The following USH2A variants were observed in gnomAD, a reference collection of about 807,000 sequenced individuals.
The protein encoded by USH2A is usherin.
In USH2A, 443 loss-of-function variants were observed where a neutral mutation model predicts 538.9. The ratio of observed to expected loss-of-function variants is 0.82; its 90% confidence interval spans 0.76 to 0.89. USH2A has a LOEUF of 0.89. Among genes scored for constraint, USH2A ranks in the 40% least tolerant of loss-of-function variants. The pLI is 0.00. For missense variants in USH2A, 6,633 were observed against 6,324.8 expected (o/e 1.05, Z -1.65); for synonymous variants, 2,413 against 2,273.5 (o/e 1.06, Z -1.75).
rs1480494864 is a variant in USH2A, at chr1:216,096,982, A to G, written c.4758+101T>C. ...GGATAATAATAGTACTTACCTTACA[A>G]GGTTTGAATGAAGATTCAGTGTGAA... On this transcript the variant is annotated intron_variant, in intron 22 of 71. Coordinates refer to ENST00000307340, the MANE Select transcript of USH2A (RefSeq NM_206933.4). 3.3e-6 allele frequency: 4 copies of G among 1,227,044 alleles called. No individual in the cohort carries two copies. The African/African-American group carries it at 6.1e-5, about 19-fold the overall frequency. The allele number at this position is 1,227,044 out of a possible 1,614,324, so 76.0% of individuals were successfully genotyped here. A position where few individuals can be genotyped will look rare whatever the true frequency, so the allele number is the denominator to read the frequency against.
intron 1 of USH2A, 137 bp from the exon 2 acceptor site, chr1:216,422,677 T>G: frequency 3.5e-6 from 1 of 284,372 alleles, no homozygotes; most frequent in Non-Finnish European, 6.8e-6. Flanking sequence ...AGCACAGTGC[T>G]CAGAGTAAAA....
At chr1:216,091,660 T>C (rs553815829) in intron 22 of USH2A, among the ~76,000 whole-genome samples, 1 of 152,316 alleles carries the variant, frequency 6.6e-6, no homozygotes, top group Non-Finnish European at 1.5e-5. Context: ...CTCTACGTTG[T>C]ATTAAATTGT....
chr1:216,352,938 A>G (rs2038313688), intron 4 of USH2A, among the ~76,000 whole-genome samples: 2 of 152,128 alleles, frequency 1.3e-5, no homozygotes, highest in Admixed American at 1.3e-4. Flanking sequence ...TGAATGAATG[A>G]GGGAAATATG....
intron 21 of USH2A, among the ~76,000 whole-genome samples, chr1:216,105,697 T>G (rs1571965251): frequency 6.6e-6 from 1 of 152,074 alleles, no homozygotes; most frequent in Non-Finnish European, 1.5e-5. Context: ...TAAATTGACT[T>G]CAGGAAAATG....
intron 47 of USH2A, among the ~76,000 whole-genome samples, chr1:215,836,506 T>TTATA (rs71159885): frequency 0.052 from 955 of 18,238 alleles, 115 homozygotes; most frequent in Non-Finnish European, 0.072. Flanking sequence ...ATAATATATA[T>TTATA]TATATATATA....
chr1:216,187,076 A>G (rs1292774549), intron 20 of USH2A, among the ~76,000 whole-genome samples: 2 of 152,006 alleles, frequency 1.3e-5, no homozygotes, highest in African/African-American at 2.4e-5. Flanking sequence ...AAACTAGCAC[A>G]TTGTATGTGC....
At chr1:216,370,938 C>T (rs1378888994) in intron 3 of USH2A, among the ~76,000 whole-genome samples, 1 of 152,086 alleles carries the variant, frequency 6.6e-6, no homozygotes, top group Non-Finnish European at 1.5e-5. Context: ...TTACTACATG[C>T]CCCTCATTGT....
chr1:215,908,704 G>A (rs1665700509), intron 38 of USH2A, among the ~76,000 whole-genome samples: 1 of 151,562 alleles, frequency 6.6e-6, no homozygotes, highest in Admixed American at 6.6e-5. Flanking sequence ...AGTATTTTTG[G>A]TAGCATAACT....
At chr1:215,987,917 C>T (rs1319519002) in intron 35 of USH2A, among the ~76,000 whole-genome samples, 4 of 145,968 alleles carry the variant, frequency 2.7e-5, no homozygotes, top group African/African-American at 1.0e-4. Flanking sequence ...ATGCATAGAT[C>T]TCTATGTGAT....
At chr1:216,383,698 G>A (rs1538691) in intron 3 of USH2A, among the ~76,000 whole-genome samples, 93,357 of 151,872 alleles carry the variant, frequency 0.61, 30,461 homozygotes, top group East Asian at 0.81. Context: ...TTTGTTTTGC[G>A]AGAGGATCTG....
chr1:215,715,102 C>T (rs1659447109), intron 61 of USH2A, among the ~76,000 whole-genome samples: 1 of 152,092 alleles, frequency 6.6e-6, no homozygotes, highest in African/African-American at 2.4e-5. Flanking sequence ...GGTATTAAGC[C>T]CCACATGCAT....
intron 21 of USH2A, among the ~76,000 whole-genome samples, chr1:216,167,340 T>G (rs2034190692): frequency 6.6e-6 from 1 of 151,980 alleles, no homozygotes; most frequent in Non-Finnish European, 1.5e-5. Context: ...GGAAAGGCAG[T>G]CTCCCTATAG....
intron 3 of USH2A, among the ~76,000 whole-genome samples, chr1:216,381,055 T>C (rs1385195280): frequency 6.6e-6 from 1 of 151,092 alleles, no homozygotes; most frequent in Non-Finnish European, 1.5e-5. Flanking sequence ...ATACAGCCAA[T>C]AAGAAAAAAA....
At chr1:216,335,901 A>C (rs2037963468) in intron 4 of USH2A, among the ~76,000 whole-genome samples, 1 of 151,734 alleles carries the variant, frequency 6.6e-6, no homozygotes, top group South Asian at 2.1e-4. Flanking sequence ...TAGAAGAGGA[A>C]GAAACACTCT....
intron 23 of USH2A, among the ~76,000 whole-genome samples, chr1:216,088,254 G>A (rs374341386): frequency 1.8e-4 from 27 of 151,712 alleles, no homozygotes; most frequent in African/African-American, 5.6e-4. Flanking sequence ...ACACACACAC[G>A]CACATACACA....
Position 216,349,300 on chromosome 1 carries a change from T to G in USH2A, c.784+15653A>C, listed in dbSNP as rs551852158. Among the ~76,000 whole-genome samples, 9 of 152,170 alleles carry G rather than the reference T, an allele frequency of 5.9e-5. No individual in the cohort carries two copies. In the South Asian group the frequency reaches 1.5e-3, roughly 25 times the overall value. On this transcript the variant is annotated intron_variant, in intron 4 of 71. Transcript: ENST00000307340. ...TGGATCTTCATCCCTCTACAACTCT[T>G]AAGATTAAGAGCTTTCTTTTAAAAA... is the stretch of plus-strand genomic sequence containing the variant.
intron 49 of USH2A, among the ~76,000 whole-genome samples, chr1:215,812,641 T>A (rs180773296): frequency 9.8e-5 from 15 of 152,314 alleles, no homozygotes; most frequent in African/African-American, 3.1e-4. Context: ...AACTTGGCTT[T>A]CTTGTCTTTC....
intron 21 of USH2A, among the ~76,000 whole-genome samples, chr1:216,118,112 A>G (rs193133151): frequency 4.6e-5 from 7 of 152,208 alleles, no homozygotes; most frequent in African/African-American, 9.6e-5. Context: ...TTCTACACCT[A>G]ATATCCTCCT....
At chr1:215,808,924 G>A (rs1044093001) in intron 49 of USH2A, among the ~76,000 whole-genome samples, 5 of 151,994 alleles carry the variant, frequency 3.3e-5, no homozygotes, top group Admixed American at 1.3e-4. Context: ...ATCCAGGACC[G>A]GATCAAGACA....
Sources: allele counts gnomAD v4.1 joint callset (sites outside exome capture counted in the v4.1 genomes callset), GRCh38; gene constraint gnomAD v4.1.1; transcripts MANE v1.5; gene names NCBI Gene and HGNC (gene_info 2026-07-23, HGNC 2026-07-21).